The following WWOX variants were observed in gnomAD, a reference collection of about 807,000 sequenced individuals.
WWOX encodes the protein WW domain-containing oxidoreductase.
In WWOX, 69 loss-of-function variants were observed where a neutral mutation model predicts 46.2. The ratio of observed to expected loss-of-function variants is 1.49; its 90% CI spans 1.23 to 1.82. WWOX has a LOEUF of 1.82. WWOX is among the 40% of genes most tolerant of loss of function. The pLI, the probability that WWOX is intolerant of heterozygous loss-of-function variation, is 0.00. For synonymous variants in WWOX, 359 were observed against 202.6 expected (o/e 1.77, Z -6.56); for missense variants, 919 against 542.6 (o/e 1.69, Z -6.89).
intron 4 of WWOX, among the ~76,000 whole-genome samples, chr16:78,132,132 C>T (rs1292338705): frequency 1.3e-5 from 2 of 150,836 alleles, no homozygotes; most frequent in Admixed American, 6.6e-5. Flanking sequence ...TCACGCCATT[C>T]TCCTGCCTCA....
At chr16:78,849,760 A>G (rs1230243892) in intron 8 of WWOX, among the ~76,000 whole-genome samples, 1 of 151,788 alleles carries the variant, frequency 6.6e-6, no homozygotes, top group Non-Finnish European at 1.5e-5. Context: ...ACCTGAGCCA[A>G]AGGACCCATA....
At chr16:79,115,348 C>T (rs1042922506) in intron 8 of WWOX, among the ~76,000 whole-genome samples, 5 of 152,140 alleles carry the variant, frequency 3.3e-5, no homozygotes, top group African/African-American at 1.2e-4. Context: ...GAAACAGCAA[C>T]ATCAGGACTT....
intron 8 of WWOX, among the ~76,000 whole-genome samples, chr16:78,491,087 G>T (rs1044908424): frequency 6.6e-6 from 1 of 152,150 alleles, no homozygotes; most frequent in East Asian, 1.9e-4. Flanking sequence ...TGTGCCAGCT[G>T]TGCCCTCTCC....
At chr16:78,709,090 G>T (rs2048384247) in intron 8 of WWOX, among the ~76,000 whole-genome samples, 1 of 151,994 alleles carries the variant, frequency 6.6e-6, no homozygotes, top group Non-Finnish European at 1.5e-5. Flanking sequence ...AAGGTTTATC[G>T]CCCTGCGTGT....
intron 5 of WWOX, among the ~76,000 whole-genome samples, chr16:78,300,741 C>T (rs1366709106): frequency 2.0e-5 from 3 of 152,130 alleles, no homozygotes; most frequent in Non-Finnish European, 4.4e-5. Context: ...TCTCCTGTCA[C>T]TGAAATATTA....
At chr16:78,268,996 A>T (rs1038605258) in intron 5 of WWOX, 2 of 152,144 alleles carry the variant, frequency 1.3e-5, no homozygotes, top group Admixed American at 6.5e-5. Context: ...CACATATATA[A>T]GATTTTGTTC....
chr16:78,401,264 T>C (rs907409676), intron 6 of WWOX, among the ~76,000 whole-genome samples: 1 of 148,724 alleles, frequency 6.7e-6, no homozygotes, highest in African/African-American at 2.6e-5. Flanking sequence ...TTAGTGAAGA[T>C]AGTAAATTAA....
In WWOX at chr16:79,209,435, C is replaced by T. The variant is rs545558597; in HGVS notation, c.1057-2173C>T. On this transcript the variant is annotated intron_variant, in intron 8 of 8. Coordinates refer to ENST00000566780, the MANE Select transcript of WWOX (RefSeq NM_016373.4). ...TCCCAAACGGACTGCTTTGGTCTTT[C>T]CTCACGCTTGGCAGAACAGTGAAAG... 2.0e-5 allele frequency among the ~76,000 whole-genome samples: 3 copies of T among 152,306 alleles called. No individual in the cohort carries two copies. In the East Asian group the frequency reaches 5.8e-4, roughly 29 times the overall value.
chr16:78,905,288 A>G (rs1455570091), intron 8 of WWOX, among the ~76,000 whole-genome samples: 1 of 152,206 alleles, frequency 6.6e-6, no homozygotes, highest in African/African-American at 2.4e-5. Flanking sequence ...GCCCACACAT[A>G]TTTACTTCCA....
intron 8 of WWOX, among the ~76,000 whole-genome samples, chr16:78,626,571 G>T (rs2046316813): frequency 6.6e-6 from 1 of 152,100 alleles, no homozygotes; most frequent in African/African-American, 2.4e-5. Flanking sequence ...CACTGTTGAT[G>T]GTGACTCTGA....
intron 8 of WWOX, among the ~76,000 whole-genome samples, chr16:78,634,833 AGAGAGTGT>A (rs1332260186): frequency 2.3e-4 from 26 of 111,354 alleles, no homozygotes; most frequent in East Asian, 6.5e-4. Flanking sequence ...AGAGAGAGAG[AGAGAGTGT>A]GTGTGTGTGT....
At chr16:78,288,447 G>A (rs1451960606) in intron 5 of WWOX, among the ~76,000 whole-genome samples, 1 of 152,022 alleles carries the variant, frequency 6.6e-6, no homozygotes, top group African/African-American at 2.4e-5. Flanking sequence ...TGGCAGTGGT[G>A]GCTGTGGTTG....
At chr16:78,229,086 C>T (rs574359771) in intron 5 of WWOX, among the ~76,000 whole-genome samples, 34 of 152,064 alleles carry the variant, frequency 2.2e-4, no homozygotes, top group African/African-American at 6.8e-4. Flanking sequence ...TTTGTATAAC[C>T]CTCTCTGTAG....
intron 8 of WWOX, among the ~76,000 whole-genome samples, chr16:78,929,573 A>T (rs1039932691): frequency 1.3e-5 from 2 of 152,256 alleles, no homozygotes; most frequent in Admixed American, 6.5e-5. Flanking sequence ...CTCCTCCCCA[A>T]ATATTTATTG....
At chr16:79,016,825 A>G (rs1256054410) in intron 8 of WWOX, 3 of 152,170 alleles carry the variant, frequency 2.0e-5, no homozygotes, top group African/African-American at 7.2e-5. Context: ...CTGCTTTTTA[A>G]AGAAGACTGA....
At chr16:78,859,225 C>G (rs2052659823) in intron 8 of WWOX, among the ~76,000 whole-genome samples, 1 of 151,340 alleles carries the variant, frequency 6.6e-6, no homozygotes, top group South Asian at 2.1e-4. Flanking sequence ...CTGATTTCAA[C>G]TTTGTTTCCC....
intron 8 of WWOX, among the ~76,000 whole-genome samples, chr16:78,895,109 C>T (rs1004307190): frequency 6.6e-6 from 1 of 152,124 alleles, no homozygotes; most frequent in Non-Finnish European, 1.5e-5. Flanking sequence ...ATGGTGAGGG[C>T]AGTTATTAGG....
intron 8 of WWOX, among the ~76,000 whole-genome samples, chr16:78,450,134 A>T (rs1467556460): frequency 6.6e-6 from 1 of 152,174 alleles, no homozygotes; most frequent in Non-Finnish European, 1.5e-5. Flanking sequence ...CCATGTTAAA[A>T]ATGTATAATA....
At chr16:78,245,493 C>T (rs553185729) in intron 5 of WWOX, among the ~76,000 whole-genome samples, 13 of 152,292 alleles carry the variant, frequency 8.5e-5, no homozygotes, top group African/African-American at 2.9e-4. Flanking sequence ...TAATTGAGAG[C>T]ACCTTGAGCT....
Sources: allele counts gnomAD v4.1 joint callset (sites outside exome capture counted in the v4.1 genomes callset), GRCh38; gene constraint gnomAD v4.1.1; transcripts MANE v1.5; gene names NCBI Gene and HGNC (gene_info 2026-07-23, HGNC 2026-07-21).